TNKS: variants seen among roughly 807,000 people sequenced by gnomAD.
TNKS encodes the protein poly [ADP-ribose] polymerase tankyrase-1.
In TNKS, 72 loss-of-function variants were observed where a neutral mutation model predicts 135.8. The observed-to-expected ratio is 0.53, with a 90% CI of 0.44 to 0.64. The LOEUF (loss-of-function observed/expected upper bound fraction) is 0.64, where lower values mean the gene tolerates loss of function less well. Among genes scored for constraint, TNKS ranks in the 30% least tolerant of loss-of-function variants. The pLI, the probability that TNKS is intolerant of heterozygous loss-of-function variation, is 0.00. For synonymous variants in TNKS, 849 were observed against 649.3 expected (o/e 1.31, Z -4.68); for missense variants, 1,769 against 1,674.0 (o/e 1.06, Z -0.99).
chr8:9,573,558 A>T (rs1242961301), intron 1 of TNKS, among the ~76,000 whole-genome samples: 1 of 152,212 alleles, frequency 6.6e-6, no homozygotes, highest in African/African-American at 2.4e-5. Flanking sequence ...AGGCTAAATT[A>T]AATTTAACAC....
At chr8:9,603,484 A>G (rs538051980) in intron 2 of TNKS, among the ~76,000 whole-genome samples, 1 of 152,334 alleles carries the variant, frequency 6.6e-6, no homozygotes, top group Admixed American at 6.5e-5. Flanking sequence ...AACACTGGGA[A>G]GTTACTAACC....
At chr8:9,662,267 A>G (rs564233673) in intron 3 of TNKS, among the ~76,000 whole-genome samples, 108 of 152,306 alleles carry the variant, frequency 7.1e-4, no homozygotes, top group Middle Eastern at 3.4e-3. Context: ...AGGATTATAA[A>G]TCATGCTGCT....
Position 9,750,167 on chromosome 8 carries a change from G to C in TNKS, c.2833-1442G>C, listed in dbSNP as rs1220670669. On this transcript the variant is annotated intron_variant, in intron 18 of 26. Coordinates refer to ENST00000310430, the MANE Select transcript of TNKS (RefSeq NM_003747.3). ...ACCTTAGAGGTTTTTTAAAGATTTT[G>C]AGGTAATATATCTGTACCTCTAGTT... 2.0e-5 allele frequency among the ~76,000 whole-genome samples: 3 copies of C among 152,270 alleles called. No individual in the cohort carries two copies. In the East Asian group the frequency reaches 5.8e-4, roughly 29 times the overall value.
At chr8:9,688,857 G>A (rs1803132316) in intron 5 of TNKS, among the ~76,000 whole-genome samples, 3 of 152,194 alleles carry the variant, frequency 2.0e-5, no homozygotes, top group South Asian at 4.1e-4. Context: ...GTCAAGCTGG[G>A]CTGGAAGTCC....
chr8:9,764,831 G>T (rs1807338530), intron 23 of TNKS, 41 bp downstream of exon 23: 2 of 1,514,432 alleles, frequency 1.3e-6, no homozygotes, highest in South Asian at 1.3e-5. Context: ...GGATTGCAAG[G>T]CTTGCCTAAA....
chr8:9,752,762 C>A, intron 20 of TNKS, 136 bp downstream of exon 20: 1 of 539,504 alleles, frequency 1.9e-6, no homozygotes, highest in Non-Finnish European at 3.1e-6. Flanking sequence ...TGAGACCAGC[C>A]TGGGCAACAA....
chr8:9,776,264 G>C (rs1219927950), intron 26 of TNKS, among the ~76,000 whole-genome samples: 2 of 152,170 alleles, frequency 1.3e-5, no homozygotes, highest in African/African-American at 4.8e-5. Flanking sequence ...ACTGGATTCA[G>C]CAAAATTTTT....
intron 3 of TNKS, among the ~76,000 whole-genome samples, chr8:9,669,501 C>A (rs1460344809): frequency 6.6e-6 from 1 of 151,102 alleles, no homozygotes; most frequent in Non-Finnish European, 1.5e-5. Flanking sequence ...GTAGCAGAAT[C>A]TGTATTTTAA....
At chr8:9,648,743 G>A (rs1275370589) in intron 3 of TNKS, among the ~76,000 whole-genome samples, 1 of 152,048 alleles carries the variant, frequency 6.6e-6, no homozygotes, top group African/African-American at 2.4e-5. Flanking sequence ...TTGTATATGT[G>A]GTCTCTTATT....
At chr8:9,622,283 G>C (rs1424536587) in intron 3 of TNKS, among the ~76,000 whole-genome samples, 2 of 152,108 alleles carry the variant, frequency 1.3e-5, no homozygotes, top group Non-Finnish European at 1.5e-5. Flanking sequence ...GCAGGTATTT[G>C]TTTCATAGTT....
Position 9,601,298 on chromosome 8 carries a change from A to G in TNKS, c.899-14284A>G, listed in dbSNP as rs79933890. Among the ~76,000 whole-genome samples the G allele has an allele frequency of 8.5e-5, 13 of 152,312 alleles. No homozygotes were observed. The East Asian group carries it at 2.5e-3, about 29-fold the overall frequency. On this transcript the variant is annotated intron_variant, in intron 2 of 26. Transcript: ENST00000310430. ...CTATTTACATATTTTTAAAACATGA[A>G]CTTTAAATTTAACACGTGTTAAAAC...
chr8:9,705,915 C>G (rs1288638142), intron 6 of TNKS, among the ~76,000 whole-genome samples: 15 of 152,104 alleles, frequency 9.9e-5, no homozygotes, highest in Admixed American at 9.2e-4. Context: ...ATAATGCATG[C>G]ATTTGTCAAT....
intron 1 of TNKS, among the ~76,000 whole-genome samples, chr8:9,568,670 C>G (rs1220084539): frequency 1.3e-5 from 2 of 152,202 alleles, no homozygotes; most frequent in Non-Finnish European, 2.9e-5. Flanking sequence ...TAATTCTCAT[C>G]TGCTTCTACC....
chr8:9,622,453 T>G (rs1799902235), intron 3 of TNKS, among the ~76,000 whole-genome samples: 1 of 152,208 alleles, frequency 6.6e-6, no homozygotes. Context: ...TAGATATTGT[T>G]ATTGTACTCA....
At chr8:9,587,514 C>G (rs1217788566) in intron 2 of TNKS, among the ~76,000 whole-genome samples, 2 of 152,026 alleles carry the variant, frequency 1.3e-5, no homozygotes, top group South Asian at 2.1e-4. Context: ...ATTCTCCTGC[C>G]TCAGCCTCCT....
chr8:9,648,378 A>G (rs77193855), intron 3 of TNKS, among the ~76,000 whole-genome samples: 3,518 of 152,194 alleles, frequency 0.023, 55 homozygotes, highest in Non-Finnish European at 0.037. Flanking sequence ...TGCTTATTCT[A>G]TAAACTTTTT....
At position 9,766,342 on chromosome 8, in the gene TNKS, A is replaced by G; in HGVS notation, c.3657A>G (p.Ser1219=). The G allele has an allele frequency of 6.2e-7, 1 of 1,613,994 alleles. No individual in the cohort carries two copies. Among genetic ancestry groups the G allele is most frequent in the Non-Finnish European group, 8.5e-7 (1 of 1,179,960 alleles). ...GGATTTATTTTGCTGAAAACTCCTCAAAAAGCAACCAATATGTTTATGGAA... is the reference window on the plus strand; with the variant it reads ...GGATTTATTTTGCTGAAAACTCCTCGAAAAGCAACCAATATGTTTATGGAA... The part of the protein sequence containing the change: ...GAGIYFAENS[S]KSNQYVYGIG... Residue 1219 remains serine, a synonymous_variant, in exon 25 of 27, where the codon TCA becomes TCG. Transcript: ENST00000310430.
intron 1 of TNKS, among the ~76,000 whole-genome samples, chr8:9,561,617 G>A (rs1223965205): frequency 6.6e-6 from 1 of 152,064 alleles, no homozygotes; most frequent in Non-Finnish European, 1.5e-5. Context: ...AGACCCTTAA[G>A]CTGATTCCTG....
At chr8:9,751,122 G>A (rs562705705) in intron 18 of TNKS, among the ~76,000 whole-genome samples, 1 of 152,280 alleles carries the variant, frequency 6.6e-6, no homozygotes, top group South Asian at 2.1e-4. Flanking sequence ...ATTGATGGGT[G>A]GCTGTCTTTG....
Sources: allele counts gnomAD v4.1 joint callset (sites outside exome capture counted in the v4.1 genomes callset), GRCh38; gene constraint gnomAD v4.1.1; transcripts MANE v1.5; gene names NCBI Gene and HGNC (gene_info 2026-07-23, HGNC 2026-07-21).